DSCC1: variants seen among roughly 807,000 people sequenced by gnomAD.
DSCC1 encodes sister chromatid cohesion protein DCC1.
Under a neutral mutation model 48.2 loss-of-function variants are expected in DSCC1, and 32 were observed. The ratio of observed to expected loss-of-function variants is 0.66; its 90% CI spans 0.50 to 0.89. The LOEUF (loss-of-function observed/expected upper bound fraction) is 0.89. DSCC1 is among the 40% of genes least tolerant of loss of function. The pLI is 0.00. For synonymous variants in DSCC1, 150 were observed against 171.5 expected (o/e 0.87, Z 0.98); for missense variants, 421 against 471.7 (o/e 0.89, Z 1.00).
chr8:119,848,939 C>G (rs1826901844), intron 3 of DSCC1, among the ~76,000 whole-genome samples: 1 of 151,496 alleles, frequency 6.6e-6, no homozygotes, highest in Admixed American at 6.6e-5. Context: ...AATCCTAGCA[C>G]TTTGGGAGGC....
At chr8:119,838,683 C>A (rs1438855799) in intron 7 of DSCC1, 2 of 265,364 alleles carry the variant, frequency 7.5e-6, no homozygotes, top group Admixed American at 5.4e-5. Context: ...ATTGCCAAAT[C>A]CAGTGGGCCC....
chr8:119,842,675 T>G (rs957201839), intron 6 of DSCC1, 101 bp downstream of exon 6: 1 of 1,096,890 alleles, frequency 9.1e-7, no homozygotes, highest in African/African-American at 1.6e-5. Flanking sequence ...TGTGAGCCAC[T>G]GCACCCAGCC....
At chr8:119,853,787 C>A (rs1007622250) in intron 1 of DSCC1, among the ~76,000 whole-genome samples, 7 of 152,164 alleles carry the variant, frequency 4.6e-5, no homozygotes, top group African/African-American at 1.4e-4. Flanking sequence ...AGGAGCACAT[C>A]CTGGCCTAAC....
chr8:119,844,899 G>A (rs1826832270), intron 4 of DSCC1, among the ~76,000 whole-genome samples: 1 of 152,082 alleles, frequency 6.6e-6, no homozygotes, highest in Non-Finnish European at 1.5e-5. Flanking sequence ...TCTCATCAGA[G>A]CTATCTTGCA....
At position 119,850,176 on chromosome 8, in the gene DSCC1, G is replaced by A. The variant is rs545120685; in HGVS notation, c.486+206C>T. ...GGGATAGAAGAAAGAAGACTGACAA[G>A]ACATTAATTGTTCAAGTGAATGACA... On this transcript the variant is annotated intron_variant, in intron 3 of 8. Transcript: ENST00000313655. Among the ~76,000 whole-genome samples, 17 of 152,248 alleles carry A rather than the reference G, an allele frequency of 1.1e-4. No homozygotes were observed. The South Asian group carries it at 3.1e-3, about 28-fold the overall frequency.
In DSCC1 at chr8:119,836,100, G is replaced by C. The variant is rs572971335; in HGVS notation, c.1074-1099C>G. Among the ~76,000 whole-genome samples the C allele has an allele frequency of 5.1e-4, 77 of 152,344 alleles. 1 individual carries two copies. The highest frequency in any genetic ancestry group is 5.0e-3 in the Admixed American group (76 of 15,298). On this transcript the variant is annotated intron_variant, in intron 8 of 8. Transcript: ENST00000313655. ...GGCCAAGGTGGGCAGATCACTTGAGGTCAGGAGTTTGAGACCAGCCTGGCC... is the reference window on the plus strand; with the variant it reads ...GGCCAAGGTGGGCAGATCACTTGAGCTCAGGAGTTTGAGACCAGCCTGGCC...
chr8:119,841,447 G>T (rs1826767882), intron 7 of DSCC1, among the ~76,000 whole-genome samples: 1 of 152,088 alleles, frequency 6.6e-6, no homozygotes. Flanking sequence ...TGATGGAAAT[G>T]GTGAGAAACG....
chr8:119,850,730 A>G (rs1326452710), intron 2 of DSCC1, among the ~76,000 whole-genome samples: 2 of 152,218 alleles, frequency 1.3e-5, no homozygotes, highest in African/African-American at 4.8e-5. Context: ...GATACTGTCA[A>G]CATTGTAAGA....
intron 6 of DSCC1, 81 bp downstream of exon 6, chr8:119,842,695 A>G (rs1471751607): frequency 7.4e-7 from 1 of 1,360,130 alleles, no homozygotes; most frequent in Non-Finnish European, 1.0e-6. Flanking sequence ...CAGAGTTCTT[A>G]TTTTTAACAC....
rs1055133 is a variant in DSCC1, at chr8:119,834,838, C to T, written c.*55G>A. ...AATAAAAGTACAAGTTATTTTTCTT[C>T]TATCCAGCAACTTTATAAAGCAACT... is the stretch of plus-strand genomic sequence containing the variant. On this transcript the variant is annotated 3_prime_UTR_variant, in exon 9 of 9. Transcript: ENST00000313655. The T allele has an allele frequency of 7.6e-6, 9 of 1,185,002 alleles. No homozygotes were observed. Among genetic ancestry groups the T allele is most frequent in the Non-Finnish European group, 1.1e-5 (9 of 806,428 alleles). The allele number at this position is 1,185,002 out of a possible 1,614,324, so 73.4% of individuals were successfully genotyped here.
rs188824451 is a variant in DSCC1 at position 119,847,796 on chromosome 8, G to A, written c.487-716C>T. On this transcript the variant is annotated intron_variant, in intron 3 of 8. Transcript: ENST00000313655. ...TTCTCCTGCCTCAACCTCCTGAATA[G>A]CTGGGATTACAGGCATGCGCCACCA... Among the ~76,000 whole-genome samples, 26 of 151,590 alleles carry A rather than the reference G, an allele frequency of 1.7e-4. No individual in the cohort carries two copies. In the East Asian group the frequency reaches 4.7e-3, roughly 27 times the overall value.
intron 5 of DSCC1, 78 bp downstream of exon 5, chr8:119,843,531 C>T (rs1262353718): frequency 1.3e-6 from 2 of 1,495,864 alleles, no homozygotes; most frequent in East Asian, 4.6e-5. Flanking sequence ...AGTTTATGCC[C>T]TGGGTTTAAT....
intron 1 of DSCC1, 127 bp downstream of exon 1, chr8:119,855,487 C>G: frequency 2.3e-6 from 3 of 1,312,530 alleles, no homozygotes; most frequent in Non-Finnish European, 3.0e-6. Flanking sequence ...CGGGAACAGG[C>G]AGCTTGCTAT....
rs1296589513 is a variant in DSCC1, at chr8:119,835,015, A to G, written c.1074-14T>C. Reference sequence around the variant, plus strand: ...CCACACAAATCTCTGTAGGAACAATAAAAAATATATAACATGAATATTTTA... The same window carrying G: ...CCACACAAATCTCTGTAGGAACAATGAAAAATATATAACATGAATATTTTA... On this transcript the variant is annotated splice_polypyrimidine_tract_variant and intron_variant, in intron 8 of 8. Coordinates refer to ENST00000313655, the MANE Select transcript of DSCC1 (RefSeq NM_024094.3). The G allele has an allele frequency of 6.7e-7, 1 of 1,483,178 alleles. No homozygotes were observed. Among genetic ancestry groups the G allele is most frequent in the Non-Finnish European group, 9.3e-7 (1 of 1,073,544 alleles). 91.9% of individuals were successfully genotyped at this position (1,483,178 alleles called of 1,614,324 possible). A position where few individuals can be genotyped will look rare whatever the true frequency, so the allele number is the denominator to read the frequency against.
At chr8:119,836,064 G>A (rs1826676973) in intron 8 of DSCC1, among the ~76,000 whole-genome samples, 1 of 152,210 alleles carries the variant, frequency 6.6e-6, no homozygotes, top group Non-Finnish European at 1.5e-5. Flanking sequence ...TGTAATCCCA[G>A]CACTTTAGGA....
At chr8:119,837,980 G>C (rs1278868795) in intron 8 of DSCC1, among the ~76,000 whole-genome samples, 19 of 152,176 alleles carry the variant, frequency 1.2e-4, no homozygotes, top group Admixed American at 1.2e-3. Context: ...AGTCATAGTA[G>C]GGCCTGTATT....
Position 119,834,295 on chromosome 8 carries a change from G to C in DSCC1, c.*598C>G, listed in dbSNP as rs1294798711. On this transcript the variant is annotated 3_prime_UTR_variant, in exon 9 of 9. Transcript: ENST00000313655. ...TACTTGAAGTTTTCGAGTGAGCATT[G>C]CCTGTGCCAGTATTCTTCATTATAG... 1.3e-5 allele frequency: 2 copies of C among 152,232 alleles called. No individual in the cohort carries two copies. Among genetic ancestry groups the C allele is most frequent in the Non-Finnish European group, 2.9e-5 (2 of 68,094 alleles). 9.4% of individuals were successfully genotyped at this position (152,232 alleles called of 1,614,324 possible).
rs1156978394 is a variant in DSCC1 at position 119,855,724 on chromosome 8, C to T, written c.72G>A (p.Pro24=). 5.1e-6 allele frequency: 8 copies of T among 1,572,078 alleles called. No homozygotes were observed. In the East Asian group the frequency reaches 9.6e-5, roughly 19 times the overall value. The change falls in exon 1 of 9, where the codon CCG becomes CCA. Residue 24 remains proline (P), a synonymous_variant. Transcript: ENST00000313655. ...IAKLNAAELL[P]AVHCLGFGPG... ...GGCCGAAGCCCAGGCAGTGCACCGCCGGCAGCAGCTCGGCCGCATTCAGCT... is the reference window on the plus strand; with the variant it reads ...GGCCGAAGCCCAGGCAGTGCACCGCTGGCAGCAGCTCGGCCGCATTCAGCT...
chr8:119,842,523 C>T (rs545653386), intron 6 of DSCC1, among the ~76,000 whole-genome samples: 1 of 152,130 alleles, frequency 6.6e-6, no homozygotes, highest in African/African-American at 2.4e-5. Flanking sequence ...GCTGGGACTA[C>T]AGGCATGCAC....
Sources: allele counts gnomAD v4.1 joint callset (sites outside exome capture counted in the v4.1 genomes callset), GRCh38; gene constraint gnomAD v4.1.1; transcripts MANE v1.5; gene names NCBI Gene and HGNC (gene_info 2026-07-23, HGNC 2026-07-21).